Variants in BIN1 observed in about 807,000 individuals in gnomAD.
The protein encoded by BIN1 is myc box-dependent-interacting protein 1.
Under a neutral mutation model 82.0 loss-of-function variants are expected in BIN1, and 53 were observed. The observed-to-expected ratio is 0.65, with a 90% CI of 0.52 to 0.81. The LOEUF is 0.81. Among genes scored for constraint, BIN1 ranks in the 40% least tolerant of loss-of-function variants. BIN1 has a pLI of 0.00. For synonymous variants in BIN1, 302 were observed against 328.0 expected, an observed-to-expected ratio of 0.92 and a Z score of 0.86; for missense variants, 642 against 784.4, an observed-to-expected ratio of 0.82 and a Z score of 2.17.
intron 1 of BIN1, 122 bp from the exon 2 acceptor site, chr2:127,076,828 G>C: frequency 1.8e-6 from 2 of 1,081,222 alleles, no homozygotes; most frequent in Non-Finnish European, 2.8e-6. Context: ...ACATCACCCA[G>C]CCCAGGGTGC....
chr2:127,085,233 G>C (rs1297121624), intron 1 of BIN1, among the ~76,000 whole-genome samples: 1 of 152,218 alleles, frequency 6.6e-6, no homozygotes, highest in East Asian at 1.9e-4. Flanking sequence ...CTGGAGAGCA[G>C]AGCCCAGGGG....
chr2:127,052,158 C>T, intron 15 of BIN1, 97 bp downstream of exon 15: 1 of 1,263,888 alleles, frequency 7.9e-7, no homozygotes, highest in African/African-American at 1.5e-5. Context: ...CCATGGTGGC[C>T]TGGTCCCTCC....
intron 1 of BIN1, among the ~76,000 whole-genome samples, chr2:127,091,149 G>T (rs1678869688): frequency 6.6e-6 from 1 of 152,128 alleles, no homozygotes; most frequent in Non-Finnish European, 1.5e-5. Flanking sequence ...TGTCATTTCT[G>T]CTATTCAAAG....
intron 1 of BIN1, among the ~76,000 whole-genome samples, chr2:127,094,407 C>T (rs1679315171): frequency 6.6e-6 from 1 of 152,220 alleles, no homozygotes; most frequent in Non-Finnish European, 1.5e-5. Context: ...CCTCCCCCTT[C>T]AGGATTGAGA....
intron 1 of BIN1, among the ~76,000 whole-genome samples, chr2:127,097,410 C>G (rs1369752565): frequency 6.6e-6 from 1 of 151,660 alleles, no homozygotes; most frequent in Non-Finnish European, 1.5e-5. Context: ...GCAGCGTCAC[C>G]CCTCCAGGCC....
At chr2:127,081,750 G>T in intron 1 of BIN1, 1 of 1,262,480 alleles carries the variant, frequency 7.9e-7, no homozygotes, top group African/African-American at 1.5e-5. Flanking sequence ...ACACATGGAA[G>T]GGGGACCTCA....
In BIN1 at chr2:127,057,245, C is replaced by A. The variant is rs1573568853; in HGVS notation, c.1131+228G>T. ...GTAACTGCTGCGCCGGGAGAGGCGG[C>A]ACCTTCCCCTCTGTGGCCCTGCATC... On this transcript the variant is annotated intron_variant, in intron 12 of 18. Transcript: ENST00000316724. The surrounding 1 kb of genome is among the most constrained non-coding windows in gnomAD (Gnocchi z 5.0). 6.6e-6 allele frequency among the ~76,000 whole-genome samples: 1 copy of A among 152,238 alleles called. No homozygotes were observed. Among genetic ancestry groups the A allele is most frequent in the African/African-American group, 2.4e-5 (1 of 41,466 alleles).
In BIN1 at chr2:127,057,529, G is replaced by A. The variant is rs965561469; in HGVS notation, c.1075C>T (p.Leu359Phe). The A allele has an allele frequency of 4.9e-5, 76 of 1,546,874 alleles. No homozygotes were observed. The highest frequency in any genetic ancestry group is 6.3e-5 in the Non-Finnish European group (72 of 1,143,628). The change falls in exon 12 of 19, where the codon CTC (leucine) becomes TTC (phenylalanine). Residue 359 changes from leucine to phenylalanine, a missense_variant. Coordinates refer to ENST00000316724, the MANE Select transcript of BIN1 (RefSeq NM_139343.3). The surrounding 1 kb of genome is among the most constrained non-coding windows in gnomAD (Gnocchi z 5.0). ...PSKEVKQEQILSLFEDTFVPE... is the reference protein window; with the variant it reads ...PSKEVKQEQIFSLFEDTFVPE... ...ACAAACGTGTCCTCAAACAGGCTGAGGATCTGCTCCTGCTTGACTTCCTTG... is the reference window on the plus strand; with the variant it reads ...ACAAACGTGTCCTCAAACAGGCTGAAGATCTGCTCCTGCTTGACTTCCTTG...
In BIN1 at chr2:127,070,785, C is replaced by T. The variant is rs1685787289; in HGVS notation, c.197G>A (p.Arg66Gln). 3 of 1,613,264 alleles carry T rather than the reference C, an allele frequency of 1.9e-6. No homozygotes were observed. The highest frequency in any genetic ancestry group is 1.7e-6 in the Non-Finnish European group (2 of 1,179,988). ...TEGTRLQKDLRTYLASVKAMH... is the reference protein window; with the variant it reads ...TEGTRLQKDLQTYLASVKAMH... ...ACCTTTGACGGAGGCCAGGTAGGTC[C>T]GGAGATCCTTCTGCAGCCGGGTGCC... The change falls in exon 3 of 19, where the codon CGG becomes CAG. Residue 66 changes from arginine (R) to glutamine (Q), a missense_variant. By Grantham distance (43) the Arg-to-Gln change is conservative. Transcript: ENST00000316724.
intron 10 of BIN1, among the ~76,000 whole-genome samples, chr2:127,060,073 C>G (rs1014301419): frequency 1.3e-5 from 2 of 152,154 alleles, no homozygotes; most frequent in African/African-American, 4.8e-5. Flanking sequence ...CAGTGCAGAT[C>G]TAGAAGCATC....
intron 1 of BIN1, among the ~76,000 whole-genome samples, chr2:127,083,142 A>G (rs183535927): frequency 6.7e-6 from 1 of 148,312 alleles, no homozygotes; most frequent in South Asian, 2.1e-4. Context: ...GCTAGAGTAC[A>G]TGGCGCAATC....
At chr2:127,073,117 C>A (rs1402957899) in intron 2 of BIN1, among the ~76,000 whole-genome samples, 2 of 152,238 alleles carry the variant, frequency 1.3e-5, no homozygotes, top group Non-Finnish European at 2.9e-5. Flanking sequence ...CCAAACAACG[C>A]TGGGCTGTGC....
Position 127,068,374 on chromosome 2 carries a change from G to A in BIN1, c.520-119C>T. The A allele has an allele frequency of 1.4e-6, 1 of 708,752 alleles. No homozygotes were observed. Among genetic ancestry groups the A allele is most frequent in the Non-Finnish European group, 2.4e-6 (1 of 424,742 alleles). 43.9% of individuals were successfully genotyped at this position (708,752 alleles called of 1,614,324 possible). A position where few individuals can be genotyped will look rare whatever the true frequency, so the allele number is the denominator to read the frequency against. On this transcript the variant is annotated intron_variant, in intron 6 of 18. Coordinates refer to ENST00000316724, the MANE Select transcript of BIN1 (RefSeq NM_139343.3). The surrounding 1 kb of genome is among the most constrained non-coding windows in gnomAD (Gnocchi z 4.9). ...GCCCCACGCGCGGGGGCCACCCCAAGCAGATATGGGCCCTTGAGGCCGAGA... is the reference window on the plus strand; with the variant it reads ...GCCCCACGCGCGGGGGCCACCCCAAACAGATATGGGCCCTTGAGGCCGAGA...
chr2:127,105,356 T>C (rs2105364859), intron 1 of BIN1, among the ~76,000 whole-genome samples: 1 of 152,164 alleles, frequency 6.6e-6, no homozygotes, highest in African/African-American at 2.4e-5. Flanking sequence ...ACAGATGGAT[T>C]ACCCAGTCAT....
At chr2:127,099,400 T>G (rs1193462529) in intron 1 of BIN1, among the ~76,000 whole-genome samples, 28 of 152,094 alleles carry the variant, frequency 1.8e-4, no homozygotes, top group Admixed American at 1.8e-3. Context: ...GGCAGCATGG[T>G]TCTTTCCCCC....
In BIN1 at chr2:127,057,496, T is replaced by A; in HGVS notation, c.1108A>T (p.Ile370Phe). Residue 370 changes from isoleucine (I) to phenylalanine (F), a missense_variant, in exon 12 of 19, where the codon ATC becomes TTC. By Grantham distance (21) the Ile-to-Phe change is conservative (BLOSUM62 0). Coordinates refer to ENST00000316724, the MANE Select transcript of BIN1 (RefSeq NM_139343.3). The surrounding 1 kb of genome is among the most constrained non-coding windows in gnomAD (Gnocchi z 5.0). ...ACCTGGGAGGGGGTGGTCACGCTGA[T>A]CTCAGGGACAAACGTGTCCTCAAAC... The part of the protein sequence containing the change: ...SLFEDTFVPE[I>F]SVTTPSQFEA... 6.5e-7 allele frequency: 1 copy of A among 1,546,946 alleles called. No individual in the cohort carries two copies. The highest frequency in any genetic ancestry group is 8.7e-7 in the Non-Finnish European group (1 of 1,144,206).
chr2:127,060,510 C>T, intron 10 of BIN1: 1 of 1,584,034 alleles, frequency 6.3e-7, no homozygotes. Flanking sequence ...GGGTTAGTGG[C>T]ACCTGGGAGC....
chr2:127,061,647 C>T (rs1045568108), intron 10 of BIN1, among the ~76,000 whole-genome samples: 1 of 152,216 alleles, frequency 6.6e-6, no homozygotes, highest in Non-Finnish European at 1.5e-5. Context: ...AGGCTGAGGA[C>T]AGGAAGAGGA....
chr2:127,058,768 G>T (rs1423312757), intron 11 of BIN1, among the ~76,000 whole-genome samples: 1 of 151,878 alleles, frequency 6.6e-6, no homozygotes, highest in South Asian at 2.1e-4. Context: ...GAAGGGGAGG[G>T]CGCTGCAGTG....
Sources: gnomAD v4.1 joint callset for allele counts (sites outside exome capture counted in the v4.1 genomes callset) on GRCh38, gnomAD v4.1.1 for gene constraint, Gnocchi (gnomAD v3.1) non-coding constraint, MANE v1.5 for transcripts, NCBI Gene and HGNC (gene_info 2026-07-23, HGNC 2026-07-21) for gene names.